Variants in UBE2D3 observed in about 807,000 individuals in gnomAD.
The protein encoded by UBE2D3 is ubiquitin-conjugating enzyme E2 D3.
Under a neutral mutation model 22.8 loss-of-function variants are expected in UBE2D3, and 2 were observed. The ratio of observed to expected loss-of-function variants is 0.09; its 90% CI spans 0.04 to 0.28. The LOEUF is 0.28. Ranked by LOEUF, UBE2D3 falls within the 10% of genes least tolerant of loss-of-function variation. UBE2D3 has a pLI of 1.00. For missense variants in UBE2D3, 27 were observed against 182.5 expected (o/e 0.15, Z 4.91); for synonymous variants, 56 against 60.4 (o/e 0.93, Z 0.34).
intron 7 of UBE2D3, 63 bp from the exon 8 acceptor site, chr4:102,797,523 G>A (rs1006767214): frequency 3.0e-6 from 4 of 1,343,430 alleles, no homozygotes; most frequent in Non-Finnish European, 3.1e-6. Context: ...TTAAATGGAA[G>A]GGAAAGATTT....
intron 2 of UBE2D3, 46 bp from the exon 3 acceptor site, chr4:102,809,901 G>A (rs771100959): frequency 1.2e-5 from 18 of 1,534,886 alleles, no homozygotes; most frequent in Admixed American, 1.9e-5. Context: ...CTTAATTTAA[G>A]AAAACAAGCA....
intron 1 of UBE2D3, among the ~76,000 whole-genome samples, chr4:102,852,076 G>T (rs1419189899): frequency 6.6e-6 from 1 of 152,060 alleles, no homozygotes. Flanking sequence ...GGTCGTAAGT[G>T]GAAATGGTGG....
intron 1 of UBE2D3, chr4:102,826,935 C>G (rs1033003001): frequency 9.9e-7 from 1 of 1,009,194 alleles, no homozygotes; most frequent in African/African-American, 1.7e-5. Context: ...AGAGGAGGAG[C>G]CGGGGCCTAG....
At chr4:102,813,298 T>C (rs750340153) in intron 2 of UBE2D3, among the ~76,000 whole-genome samples, 1 of 152,220 alleles carries the variant, frequency 6.6e-6, no homozygotes, top group Non-Finnish European at 1.5e-5. Context: ...GGGATCCTCT[T>C]GCCTCAGCCT....
intron 1 of UBE2D3, among the ~76,000 whole-genome samples, chr4:102,849,485 A>T (rs1732234257): frequency 6.6e-6 from 1 of 152,150 alleles, no homozygotes. Flanking sequence ...CTGGCCACAC[A>T]TATATTTGAC....
chr4:102,815,516 T>G (rs1728666570), intron 2 of UBE2D3, among the ~76,000 whole-genome samples: 1 of 152,166 alleles, frequency 6.6e-6, no homozygotes, highest in Admixed American at 6.5e-5. Flanking sequence ...CATTACACAT[T>G]TCAATTACAA....
chr4:102,808,317 A>G (rs62329082), intron 4 of UBE2D3, among the ~76,000 whole-genome samples: 6,449 of 152,334 alleles, frequency 0.042, 175 homozygotes, highest in Non-Finnish European at 0.062. Flanking sequence ...TGGGTAACTC[A>G]ACATTTAACT....
intron 2 of UBE2D3, chr4:102,825,399 G>A (rs1426804131): frequency 9.7e-7 from 1 of 1,029,848 alleles, no homozygotes; most frequent in South Asian, 3.1e-5. Context: ...TTGAATTTAG[G>A]TAAGTTTTGA....
In UBE2D3 at chr4:102,838,807, CAAAAAAAAAAAA is replaced by C. The variant is rs145975514; in HGVS notation, c.-128-12183_-128-12172del. ...GGATGCTAAACAAAACTGTGCTGGG[CAAAAAAAAAAAA>C]AAAAAAAAAAAAGAGGAAAAGGAAA... On this transcript the variant is annotated intron_variant, in intron 1 of 7. Coordinates refer to the UBE2D3 transcript ENST00000338145. Among the ~76,000 whole-genome samples, 335 of 54,328 alleles carry C rather than the reference CAAAAAAAAAAAA, an allele frequency of 6.2e-3. 1 individual carries two copies. Among genetic ancestry groups the C allele is most frequent in the African/African-American group, 0.024 (326 of 13,636 alleles). The allele number at this position is 54,328 out of a possible 152,430, so 35.6% of individuals were successfully genotyped here.
chr4:102,842,978 T>C (rs566127115), intron 1 of UBE2D3, among the ~76,000 whole-genome samples: 1 of 152,062 alleles, frequency 6.6e-6, no homozygotes, highest in East Asian at 1.9e-4. Context: ...GAAGTGGTGG[T>C]GCATGCTTGT....
At chr4:102,826,428 C>A in intron 2 of UBE2D3, 57 bp downstream of exon 2, 1 of 1,609,268 alleles carries the variant, frequency 6.2e-7, no homozygotes, top group Non-Finnish European at 8.5e-7. Context: ...ACGCTTTCCT[C>A]TTGGCCCGAG....
At position 102,826,582 on chromosome 4, in the gene UBE2D3, C is replaced by A; in HGVS notation, c.-74G>T. Reference sequence around the variant, plus strand: ...GGTCCGGCCAAAACTCTTGATTATCCCGGCGGCGGGGCAGGATTGTCTCGT... The same window carrying A: ...GGTCCGGCCAAAACTCTTGATTATCACGGCGGCGGGGCAGGATTGTCTCGT... On this transcript the variant is annotated 5_prime_UTR_variant, in exon 2 of 8. Coordinates refer to ENST00000453744, the MANE Select transcript of UBE2D3 (RefSeq NM_181891.3). The A allele has an allele frequency of 6.2e-7, 1 of 1,604,800 alleles. No homozygotes were observed. Among genetic ancestry groups the A allele is most frequent in the Non-Finnish European group, 8.5e-7 (1 of 1,178,908 alleles).
chr4:102,865,563 C>G (rs1477004989), intron 1 of UBE2D3, among the ~76,000 whole-genome samples: 2 of 151,184 alleles, frequency 1.3e-5, no homozygotes, highest in Non-Finnish European at 2.9e-5. Flanking sequence ...CCAATGTAAC[C>G]AACAAGGTAA....
upstream of UBE2D3, among the ~76,000 whole-genome samples, chr4:102,832,315 G>A (rs185213686): frequency 5.3e-5 from 8 of 150,668 alleles, no homozygotes; most frequent in Admixed American, 4.0e-4. Context: ...CGGGGGGAGC[G>A]GCAAGGAGAG....
At chr4:102,868,632 T>C in intron 1 of UBE2D3, 1 of 1,598,270 alleles carries the variant, frequency 6.3e-7, no homozygotes, top group Middle Eastern at 1.9e-4. Flanking sequence ...TGGGCGAGTA[T>C]GCAACCCTAG....
intron 1 of UBE2D3, among the ~76,000 whole-genome samples, chr4:102,838,902 A>G (rs1019133927): frequency 1.3e-5 from 2 of 152,044 alleles, no homozygotes; most frequent in African/African-American, 4.8e-5. Flanking sequence ...AAGATGATAC[A>G]AGAGGAGAGT....
upstream of UBE2D3, chr4:102,828,187 T>TA: frequency 1.0e-6 from 1 of 985,280 alleles, no homozygotes; most frequent in Non-Finnish European, 1.2e-6. Context: ...CCCAGACTGG[T>TA]AAGAGCGCGC....
intron 1 of UBE2D3, among the ~76,000 whole-genome samples, chr4:102,845,868 G>C (rs1045403299): frequency 2.0e-5 from 3 of 151,806 alleles, no homozygotes; most frequent in Admixed American, 2.0e-4. Flanking sequence ...TCGGCTCACT[G>C]CAACCTCCAC....
At chr4:102,868,656 A>C in intron 1 of UBE2D3, 1 of 1,613,274 alleles carries the variant, frequency 6.2e-7, no homozygotes. Context: ...CACAGCACCC[A>C]AACTGTAGGG....
Sources: allele counts gnomAD v4.1 joint callset (sites outside exome capture counted in the v4.1 genomes callset), GRCh38; gene constraint gnomAD v4.1.1; transcripts MANE v1.5; gene names NCBI Gene and HGNC (gene_info 2026-07-23, HGNC 2026-07-21).